CACNA1D: variants seen among roughly 807,000 people sequenced by gnomAD.
The protein encoded by CACNA1D is voltage-dependent L-type calcium channel subunit alpha-1D.
CACNA1D carries 55 observed loss-of-function variants against 257.1 expected under a neutral mutation model. The observed-to-expected ratio is 0.21, with a 90% CI of 0.17 to 0.27. CACNA1D has a LOEUF of 0.27. Among genes scored for constraint, CACNA1D ranks in the 10% least tolerant of loss-of-function variants. The probability of loss-of-function intolerance (pLI) is 1.00; values close to 1 mark genes in which losing one functional copy is unlikely to be tolerated. For synonymous variants in CACNA1D, 980 were observed against 1,014.9 expected (o/e 0.97, Z 0.65); for missense variants, 1,876 against 2,784.0 (o/e 0.67, Z 7.34).
chr3:53,757,920 C>T (rs532751029), intron 29 of CACNA1D, among the ~76,000 whole-genome samples: 1 of 152,348 alleles, frequency 6.6e-6, no homozygotes, highest in East Asian at 1.9e-4. Flanking sequence ...TCGTTACCAA[C>T]ACTACTCCAT....
chr3:53,658,052 C>T (rs369347975), intron 4 of CACNA1D, among the ~76,000 whole-genome samples: 10 of 152,204 alleles, frequency 6.6e-5, no homozygotes, highest in Non-Finnish European at 1.3e-4. Context: ...GTATGTGACT[C>T]CTCATTCTGG....
At chr3:53,787,753 G>A (rs1361648262) in intron 40 of CACNA1D, among the ~76,000 whole-genome samples, 8 of 152,140 alleles carry the variant, frequency 5.3e-5, no homozygotes. Flanking sequence ...GAGGGGCTAG[G>A]AAGGTGGTCT....
intron 25 of CACNA1D, 43 bp downstream of exon 25, chr3:53,745,918 T>C: frequency 6.8e-7 from 1 of 1,471,264 alleles, no homozygotes; most frequent in South Asian, 1.1e-5. Context: ...GAAGAGCAAA[T>C]AGCAGACTTC....
In CACNA1D at chr3:53,651,506, C is replaced by T. The variant is rs1196916205; in HGVS notation, c.623+588C>T. 2.0e-5 allele frequency among the ~76,000 whole-genome samples: 3 copies of T among 150,868 alleles called. No homozygotes were observed. The East Asian group carries it at 5.9e-4, about 30-fold the overall frequency. On this transcript the variant is annotated intron_variant, in intron 4 of 47. Coordinates refer to ENST00000350061, the MANE Select transcript of CACNA1D (RefSeq NM_001128840.3). ...AAATAAGCTAGAAAATGCAGAGAAGCAGGTGTTCCACCAAAATCCTGTTGC... is the reference window on the plus strand; with the variant it reads ...AAATAAGCTAGAAAATGCAGAGAAGTAGGTGTTCCACCAAAATCCTGTTGC...
chr3:53,704,991 A>C lies in CACNA1D; in HGVS notation c.1390+2181A>C, dbSNP rs552067456. ...TCATTGGATTTAAGGTGATATCTTG[A>C]GGGTTAACCATTTTATCTCAGCCCA... On this transcript the variant is annotated intron_variant, in intron 9 of 47. Transcript: ENST00000350061. Among the ~76,000 whole-genome samples, 301 of 152,352 alleles carry C rather than the reference A, an allele frequency of 2.0e-3. 3 individuals are homozygous for C. The highest frequency in any genetic ancestry group is 6.8e-3 in the African/African-American group (281 of 41,572).
At chr3:53,658,031 C>T (rs2094165485) in intron 4 of CACNA1D, among the ~76,000 whole-genome samples, 1 of 152,168 alleles carries the variant, frequency 6.6e-6, no homozygotes, top group African/African-American at 2.4e-5. Context: ...TTTTGAAGAA[C>T]GTGAAGGCTT....
chr3:53,659,876 CTCT>C (rs956454705), intron 4 of CACNA1D, among the ~76,000 whole-genome samples: 3 of 152,214 alleles, frequency 2.0e-5, no homozygotes, highest in African/African-American at 7.2e-5. Context: ...AGGGAGTCCC[CTCT>C]TCTTTGGGAA....
At chr3:53,630,027 T>A (rs1215792914) in intron 3 of CACNA1D, among the ~76,000 whole-genome samples, 1 of 152,212 alleles carries the variant, frequency 6.6e-6, no homozygotes, top group African/African-American at 2.4e-5. Context: ...GCACCTGTCC[T>A]TATATTTGAC....
chr3:53,545,749 C>T (rs188050621), intron 3 of CACNA1D, among the ~76,000 whole-genome samples: 106 of 152,232 alleles, frequency 7.0e-4, no homozygotes, highest in African/African-American at 2.3e-3. Flanking sequence ...CTTTCTTCTC[C>T]TTCTCAAAGC....
chr3:53,621,151 C>A (rs558432173), intron 3 of CACNA1D, among the ~76,000 whole-genome samples: 1 of 152,250 alleles, frequency 6.6e-6, no homozygotes, highest in African/African-American at 2.4e-5. Flanking sequence ...GGGAAAAGAA[C>A]CGACTAAGCC....
chr3:53,796,362 C>T (rs540561515), intron 40 of CACNA1D: 7 of 456,028 alleles, frequency 1.5e-5, no homozygotes, highest in African/African-American at 6.0e-5. Flanking sequence ...GGCCCAGTCC[C>T]GACTAGAGAC....
intron 8 of CACNA1D, among the ~76,000 whole-genome samples, chr3:53,690,184 A>G (rs572721206): frequency 9.9e-4 from 151 of 152,244 alleles, no homozygotes; most frequent in African/African-American, 3.5e-3. Context: ...TTTTCTCGTC[A>G]GTTGGAAGCT....
chr3:53,802,733 A>G (rs549091435), intron 43 of CACNA1D, among the ~76,000 whole-genome samples: 1 of 152,242 alleles, frequency 6.6e-6, no homozygotes, highest in East Asian at 1.9e-4. Context: ...GTCGGGAGCC[A>G]TGTGGGCCCA....
intron 36 of CACNA1D, 30 bp from the exon 37 acceptor site, chr3:53,776,830 C>T (rs2095400720): frequency 6.2e-7 from 1 of 1,612,546 alleles, no homozygotes. Flanking sequence ...TGGTACTGTT[C>T]CTGGACCTTA....
At chr3:53,682,428 G>A (rs1262893568) in intron 8 of CACNA1D, among the ~76,000 whole-genome samples, 2 of 144,420 alleles carry the variant, frequency 1.4e-5, no homozygotes, top group African/African-American at 2.6e-5. Context: ...AATGTGGTGT[G>A]TGCCTATAGT....
At chr3:53,643,844 C>T (rs1308745309) in intron 3 of CACNA1D, among the ~76,000 whole-genome samples, 3 of 152,194 alleles carry the variant, frequency 2.0e-5, no homozygotes, top group South Asian at 4.1e-4. Flanking sequence ...AGCTTGCCTT[C>T]GTGCAGGCTC....
rs1474459533 is a variant in CACNA1D, at chr3:53,751,643, C to G, written c.3517-106C>G. The G allele has an allele frequency of 8.8e-7, 1 of 1,141,166 alleles. No individual in the cohort carries two copies. The highest frequency in any genetic ancestry group is 1.5e-5 in the African/African-American group (1 of 65,660). The allele number at this position is 1,141,166 out of a possible 1,614,324, so 70.7% of individuals were successfully genotyped here. The stretch of plus-strand genomic sequence containing the variant: ...ATCATTTTCACCATCGTCCACGGCC[C>G]CTTCCCGGGAGCTGTAGGGTGAGCT... On this transcript the variant is annotated intron_variant, in intron 27 of 47. Transcript: ENST00000350061. This position sits in a 1 kb window ranked among gnomAD's most constrained non-coding sequence, Gnocchi z 4.3.
chr3:53,513,573 G>T (rs1400723019), intron 3 of CACNA1D, among the ~76,000 whole-genome samples: 1 of 152,222 alleles, frequency 6.6e-6, no homozygotes, highest in Non-Finnish European at 1.5e-5. Flanking sequence ...GATGGAGATT[G>T]CAGTAAGCCG....
chr3:53,806,003 T>C (rs1183709611), intron 45 of CACNA1D, among the ~76,000 whole-genome samples: 2 of 97,514 alleles, frequency 2.1e-5, no homozygotes, highest in African/African-American at 4.3e-5. Context: ...CTCCCTCATC[T>C]TCCCTCCTCC....
Sources: allele counts gnomAD v4.1 joint callset (sites outside exome capture counted in the v4.1 genomes callset), GRCh38; gene constraint gnomAD v4.1.1; non-coding constraint Gnocchi (gnomAD v3.1); transcripts MANE v1.5; gene names NCBI Gene and HGNC (gene_info 2026-07-23, HGNC 2026-07-21).